Variants in ZNF555 observed in about 807,000 individuals in gnomAD.
ZNF555 encodes the protein zinc finger protein 555.
ZNF555 carries 10 observed loss-of-function variants against 14.0 expected under a neutral mutation model. The ratio of observed to expected loss-of-function variants is 0.72; its 90% CI spans 0.44 to 1.21. ZNF555 has a LOEUF of 1.21. ZNF555 is among the 50% of genes most tolerant of loss of function. ZNF555 has a pLI of 0.00. For missense variants in ZNF555, 747 were observed against 762.0 expected (o/e 0.98, Z 0.23); for synonymous variants, 277 against 262.4 (o/e 1.06, Z -0.54).
At chr19:2,845,115 C>G (rs1180420842) in intron 1 of ZNF555, among the ~76,000 whole-genome samples, 1 of 152,164 alleles carries the variant, frequency 6.6e-6, no homozygotes, top group Non-Finnish European at 1.5e-5. Context: ...AGCCCTTTCC[C>G]CCTCTGTCCC....
chr19:2,853,298 T>C lies in ZNF555; in HGVS notation c.1233T>C (p.Phe411=). The C allele has an allele frequency of 6.2e-7, 1 of 1,614,088 alleles. No individual in the cohort carries two copies. ...CGKAFSHPSS[F]RGHMRVHTGE... ...AAGCATTCAGTCACCCCTCCTCCTT[T>C]CGAGGACACATGAGGGTGCACACTG... The change falls in exon 4 of 4, where the codon TTT becomes TTC. Residue 411 remains phenylalanine, a synonymous_variant. Coordinates refer to ENST00000334241, the MANE Select transcript of ZNF555 (RefSeq NM_152791.5).
rs1388341114 is a variant in ZNF555 at position 2,851,396 on chromosome 19, AGCTAAACTCCTCAGTGTCGTTTTCC to A, written c.131-66_131-42del. ...TTTGTGTTTAATGAAGTCCTGAGATAGCTAAACTCCTCAGTGTCGTTTTCCGCTAACAAGTGCCTTCTTATATGAT... is the reference window on the plus strand; with the variant it reads ...TTTGTGTTTAATGAAGTCCTGAGATAGCTAACAAGTGCCTTCTTATATGAT... On this transcript the variant is annotated intron_variant, in intron 2 of 3. Coordinates refer to ENST00000334241, the MANE Select transcript of ZNF555 (RefSeq NM_152791.5). 7 of 1,287,690 alleles carry A rather than the reference AGCTAAACTCCTCAGTGTCGTTTTCC, an allele frequency of 5.4e-6. No homozygotes were observed. The Admixed American group carries it at 1.8e-4, about 33-fold the overall frequency. The allele number at this position is 1,287,690 out of a possible 1,614,324, so 79.8% of individuals were successfully genotyped here.
At chr19:2,848,777 C>T (rs1022333230) in intron 1 of ZNF555, among the ~76,000 whole-genome samples, 2 of 152,138 alleles carry the variant, frequency 1.3e-5, no homozygotes, top group Admixed American at 1.3e-4. Context: ...GCTGGCTGAT[C>T]ACATAAGCAT....
chr19:2,847,096 AAAAAC>A (rs1225294265), intron 1 of ZNF555: 2 of 152,228 alleles, frequency 1.3e-5, no homozygotes, highest in East Asian at 1.9e-4. Flanking sequence ...TGTCACTTAA[AAAAAC>A]AAAACAAAAA....
At chr19:2,846,483 C>T (rs902698802) in intron 1 of ZNF555, among the ~76,000 whole-genome samples, 4 of 152,190 alleles carry the variant, frequency 2.6e-5, no homozygotes, top group African/African-American at 9.7e-5. Flanking sequence ...AGGGCCTTAC[C>T]CGGGAGTGTC....
chr19:2,857,019 G>C lies in ZNF555; in HGVS notation c.*3067G>C, dbSNP rs1221849921. ...AGGAGGCAGAAGCTTTTGTTTTAAT[G>C]AGCCAGAAAGCCCCAAAAGCCTATT... On this transcript the variant is annotated 3_prime_UTR_variant, in exon 4 of 4. Coordinates refer to ENST00000334241, the MANE Select transcript of ZNF555 (RefSeq NM_152791.5). 1 of 152,126 alleles carries C rather than the reference G, an allele frequency of 6.6e-6. No individual in the cohort carries two copies. The highest frequency in any genetic ancestry group is 1.5e-5 in the Non-Finnish European group (1 of 68,012). 9.4% of individuals were successfully genotyped at this position (152,126 alleles called of 1,614,324 possible). A position where few individuals can be genotyped will look rare whatever the true frequency, so the allele number is the denominator to read the frequency against.
chr19:2,843,352 A>G (rs1462145959), intron 1 of ZNF555, among the ~76,000 whole-genome samples: 2 of 151,998 alleles, frequency 1.3e-5, no homozygotes, highest in South Asian at 2.1e-4. Flanking sequence ...GTTTCTAGGG[A>G]TGGGGTCTCA....
chr19:2,853,282 G>C lies in ZNF555; in HGVS notation c.1217G>C (p.Ser406Thr). The change falls in exon 4 of 4, where the codon AGT becomes ACT. Residue 406 changes from serine to threonine, a missense_variant. Transcript: ENST00000334241. ...YECNQCGKAF[S>T]HPSSFRGHMR... ...TGCAACCAGTGCGGGAAAGCATTCA[G>C]TCACCCCTCCTCCTTTCGAGGACAC... is the stretch of plus-strand genomic sequence containing the variant. 6.2e-7 allele frequency: 1 copy of C among 1,613,876 alleles called. No individual in the cohort carries two copies. The highest frequency in any genetic ancestry group is 8.5e-7 in the Non-Finnish European group (1 of 1,179,928).
At chr19:2,848,184 C>G (rs2087597972) in intron 1 of ZNF555, among the ~76,000 whole-genome samples, 1 of 150,380 alleles carries the variant, frequency 6.6e-6, no homozygotes, top group African/African-American at 2.4e-5. Context: ...TGGAGTCTGG[C>G]TCTGTCGCCC....
chr19:2,847,659 A>G (rs2087593088), intron 1 of ZNF555, among the ~76,000 whole-genome samples: 1 of 152,210 alleles, frequency 6.6e-6, no homozygotes, highest in Admixed American at 6.5e-5. Flanking sequence ...AATTTAAAAA[A>G]AATAAAAAAT....
chr19:2,853,216 G>C lies in ZNF555; in HGVS notation c.1151G>C (p.Arg384Pro). 1 of 1,614,074 alleles carries C rather than the reference G, an allele frequency of 6.2e-7. No homozygotes were observed. The highest frequency in any genetic ancestry group is 1.3e-5 in the African/African-American group (1 of 74,994). ...ACCTTCATTTATCCCCAGTCCTTTC[G>C]AAGACATGAAAGGACTCATGGTGGA... ...GKTFIYPQSF[R>P]RHERTHGGEK... The change falls in exon 4 of 4, where the codon CGA becomes CCA. Residue 384 changes from arginine to proline, a missense_variant. Arg to Pro is a moderately radical substitution (Grantham distance 103). Transcript: ENST00000334241.
rs561719277 is a variant in ZNF555 at position 2,850,742 on chromosome 19, G to A, written c.130+29G>A. On this transcript the variant is annotated intron_variant, in intron 2 of 3. Coordinates refer to ENST00000334241, the MANE Select transcript of ZNF555 (RefSeq NM_152791.5). ...AGGATGACATCATTCCTTCCTTCACGTAGTTATTGAGAGAACAAGTATTTC... is the reference window on the plus strand; with the variant it reads ...AGGATGACATCATTCCTTCCTTCACATAGTTATTGAGAGAACAAGTATTTC... 24 of 1,610,556 alleles carry A rather than the reference G, an allele frequency of 1.5e-5. 1 individual carries two copies. Among genetic ancestry groups the A allele is most frequent in the South Asian group, 9.9e-5 (9 of 91,024 alleles).
At position 2,849,889 on chromosome 19, in the gene ZNF555, A is replaced by C. The variant is rs188456922; in HGVS notation, c.4-698A>C. Among the ~76,000 whole-genome samples, 267 of 152,182 alleles carry C rather than the reference A, an allele frequency of 1.8e-3. 1 individual carries two copies. The highest frequency in any genetic ancestry group is 0.014 in the Middle Eastern group (4 of 294). ...GAGTGTGCCTGTGTGTACGAGAGAG[A>C]GCCAGCGTGTGAGAGAGAGAGAACC... On this transcript the variant is annotated intron_variant, in intron 1 of 3. Transcript: ENST00000334241.
Position 2,857,160 on chromosome 19 carries a change from A to G in ZNF555, c.*3208A>G, listed in dbSNP as rs1318043208. ...GAGCAAACAATATCCAGTAATCTCC[A>G]TTACTTTCCATGTTAACATAAGTTT... On this transcript the variant is annotated 3_prime_UTR_variant, in exon 4 of 4. Coordinates refer to ENST00000334241, the MANE Select transcript of ZNF555 (RefSeq NM_152791.5). 6.6e-6 allele frequency: 1 copy of G among 152,204 alleles called. No homozygotes were observed. Among genetic ancestry groups the G allele is most frequent in the Non-Finnish European group, 1.5e-5 (1 of 68,042 alleles). The allele number at this position is 152,204 out of a possible 1,614,324, so 9.4% of individuals were successfully genotyped here.
At position 2,857,256 on chromosome 19, in the gene ZNF555, C is replaced by T. The variant is rs1235260296; in HGVS notation, c.*3304C>T. 2 of 152,184 alleles carry T rather than the reference C, an allele frequency of 1.3e-5. No individual in the cohort carries two copies. The highest frequency in any genetic ancestry group is 1.3e-4 in the Admixed American group (2 of 15,278). The allele number at this position is 152,184 out of a possible 1,614,324, so 9.4% of individuals were successfully genotyped here. On this transcript the variant is annotated 3_prime_UTR_variant, in exon 4 of 4. Transcript: ENST00000334241. ...TCTTAACACCCACTTACCCATCATT[C>T]CCTCTTAGATGAAAAAAGTTAAGCA...
intron 1 of ZNF555, chr19:2,847,431 C>T (rs955571824): frequency 6.6e-6 from 1 of 152,124 alleles, no homozygotes; most frequent in African/African-American, 2.4e-5. Context: ...CAACATGGCA[C>T]ATGTATGCGT....
rs1020996721 is a variant in ZNF555 at position 2,857,508 on chromosome 19, G to A, written c.*3556G>A. ...TGGAAAAGGCAAAGATAAGGGAAAC[G>A]AACAAATCGCTGGTTAGAAGTAGGG... On this transcript the variant is annotated 3_prime_UTR_variant, in exon 4 of 4. Transcript: ENST00000334241. 1.3e-5 allele frequency: 2 copies of A among 152,298 alleles called. No individual in the cohort carries two copies. The highest frequency in any genetic ancestry group is 2.4e-5 in the African/African-American group (1 of 41,570). The allele number at this position is 152,298 out of a possible 1,614,324, so 9.4% of individuals were successfully genotyped here. A position where few individuals can be genotyped will look rare whatever the true frequency, so the allele number is the denominator to read the frequency against.
At position 2,851,668 on chromosome 19, in the gene ZNF555, A is replaced by G. The variant is rs2087631779; in HGVS notation, c.314+17A>G. Reference sequence around the variant, plus strand: ...AAATCTCAGGTGAGTTGCACTCACAAGAGAACATAGTATTTCAGGAGAGAA... The same window carrying G: ...AAATCTCAGGTGAGTTGCACTCACAGGAGAACATAGTATTTCAGGAGAGAA... On this transcript the variant is annotated intron_variant, in intron 3 of 3. Coordinates refer to ENST00000334241, the MANE Select transcript of ZNF555 (RefSeq NM_152791.5). The G allele has an allele frequency of 1.3e-6, 2 of 1,528,936 alleles. No homozygotes were observed. The highest frequency in any genetic ancestry group is 8.8e-7 in the Non-Finnish European group (1 of 1,142,058). The allele number at this position is 1,528,936 out of a possible 1,614,324, so 94.7% of individuals were successfully genotyped here.
Position 2,854,109 on chromosome 19 carries a change from A to G in ZNF555, c.*157A>G. 1 of 914,394 alleles carries G rather than the reference A, an allele frequency of 1.1e-6. No homozygotes were observed. Among genetic ancestry groups the G allele is most frequent in the Non-Finnish European group, 1.6e-6 (1 of 625,654 alleles). 56.6% of individuals were successfully genotyped at this position (914,394 alleles called of 1,614,324 possible). A position where few individuals can be genotyped will look rare whatever the true frequency, so the allele number is the denominator to read the frequency against. On this transcript the variant is annotated 3_prime_UTR_variant, in exon 4 of 4. Transcript: ENST00000334241. ...ATTCAGTAAATAAAACTTTCATCTT[A>G]GAGTGTTTTGGACTCATGGATGATT...
Sources: gnomAD v4.1 joint callset for allele counts (sites outside exome capture counted in the v4.1 genomes callset) on GRCh38, gnomAD v4.1.1 for gene constraint, MANE v1.5 for transcripts, NCBI Gene and HGNC (gene_info 2026-07-23, HGNC 2026-07-21) for gene names.